Variants in PTX3 observed in about 807,000 individuals in gnomAD.
The protein encoded by PTX3 is pentraxin-related protein PTX3.
Under a neutral mutation model 23.5 loss-of-function variants are expected in PTX3, and 24 were observed. The ratio of observed to expected loss-of-function variants is 1.02; its 90% CI spans 0.74 to 1.43. PTX3 has a LOEUF of 1.43. PTX3 is among the 40% of genes most tolerant of loss of function. The pLI, the probability that PTX3 is intolerant of heterozygous loss-of-function variation, is 0.00. For synonymous variants in PTX3, 218 were observed against 205.4 expected, an observed-to-expected ratio of 1.06 and a Z score of -0.53; for missense variants, 510 against 497.5, an observed-to-expected ratio of 1.02 and a Z score of -0.24.
intron 2 of PTX3, among the ~76,000 whole-genome samples, chr3:157,441,506 G>A (rs1052797063): frequency 2.6e-5 from 4 of 152,074 alleles, no homozygotes; most frequent in African/African-American, 9.7e-5. Flanking sequence ...AGAACATTTG[G>A]TGTATTAAAA....
intron 2 of PTX3, among the ~76,000 whole-genome samples, chr3:157,438,809 T>C (rs545857593): frequency 2.5e-4 from 38 of 152,364 alleles, no homozygotes; most frequent in African/African-American, 8.9e-4. Flanking sequence ...AATACTCCTT[T>C]GTATGCCAAA....
Position 157,442,731 on chromosome 3 carries a change from C to T in PTX3, c.898C>T (p.His300Tyr). ...AATTVEMATG[H>Y]IVPEGGILQI... ...TACCACTGTTGAGATGGCCACAGGTCACATTGTTCCTGAGGGAGGAATCCT... is the reference window on the plus strand; with the variant it reads ...TACCACTGTTGAGATGGCCACAGGTTACATTGTTCCTGAGGGAGGAATCCT... The change falls in exon 3 of 3, where the codon CAC becomes TAC. Residue 300 changes from histidine (H) to tyrosine (Y), a missense_variant. Physicochemically the swap from His to Tyr is moderately conservative, Grantham distance 83 (BLOSUM62 2). Coordinates refer to ENST00000295927, the MANE Select transcript of PTX3 (RefSeq NM_002852.4). 6.2e-7 allele frequency: 1 copy of T among 1,614,172 alleles called. No homozygotes were observed. Among genetic ancestry groups the T allele is most frequent in the Non-Finnish European group, 8.5e-7 (1 of 1,180,046 alleles).
rs1005576822 is a variant in PTX3, at chr3:157,443,192, T to C, written c.*213T>C. ...GCTTTTGAGGATAATGTTACTAGACTTTATGCCATGGTGCTTTCAGTTTAA... is the reference window on the plus strand; with the variant it reads ...GCTTTTGAGGATAATGTTACTAGACCTTATGCCATGGTGCTTTCAGTTTAA... On this transcript the variant is annotated 3_prime_UTR_variant, in exon 3 of 3. Coordinates refer to ENST00000295927, the MANE Select transcript of PTX3 (RefSeq NM_002852.4). 1 of 522,480 alleles carries C rather than the reference T, an allele frequency of 1.9e-6. No homozygotes were observed. The highest frequency in any genetic ancestry group is 3.3e-6 in the Non-Finnish European group (1 of 306,522). The allele number at this position is 522,480 out of a possible 1,614,324, so 32.4% of individuals were successfully genotyped here.
Position 157,442,423 on chromosome 3 carries a change from A to G in PTX3, c.590A>G (p.His197Arg), listed in dbSNP as rs770339090. 6.2e-7 allele frequency: 1 copy of G among 1,614,100 alleles called. No homozygotes were observed. The change falls in exon 3 of 3, where the codon CAT (histidine) becomes CGT (arginine). Residue 197 changes from histidine to arginine, a missense_variant. Physicochemically the swap from His to Arg is conservative, Grantham distance 29 (BLOSUM62 0). Coordinates refer to ENST00000295927, the MANE Select transcript of PTX3 (RefSeq NM_002852.4). The part of the protein sequence containing the change: ...MRSKKIFGSV[H>R]PVRPMRLESF... ...TCCAAGAAGATTTTTGGAAGCGTGC[A>G]TCCAGTGAGACCAATGAGGCTTGAG...
intron 2 of PTX3, among the ~76,000 whole-genome samples, chr3:157,441,862 T>C (rs1056773059): frequency 2.6e-5 from 4 of 151,998 alleles, no homozygotes; most frequent in Non-Finnish European, 5.9e-5. Flanking sequence ...AGAATTTTGC[T>C]GAAAAATGCA....
intron 2 of PTX3, 101 bp downstream of exon 2, chr3:157,438,015 T>G: frequency 7.4e-7 from 1 of 1,353,046 alleles, no homozygotes; most frequent in Non-Finnish European, 9.8e-7. Context: ...GAAGCTTTCA[T>G]GGGAAGCGCG....
chr3:157,437,632 G>A lies in PTX3; in HGVS notation c.250G>A (p.Glu84Lys), dbSNP rs1463778514. 1.2e-5 allele frequency: 19 copies of A among 1,554,400 alleles called. No homozygotes were observed. Among genetic ancestry groups the A allele is most frequent in the African/African-American group, 4.1e-5 (3 of 73,350 alleles). Residue 84 changes from glutamate (E) to lysine (K), a missense_variant, in exon 2 of 3, where the codon GAG becomes AAG. Physicochemically the swap from Glu to Lys is moderately conservative, Grantham distance 56. Coordinates refer to ENST00000295927, the MANE Select transcript of PTX3 (RefSeq NM_002852.4). ...LQATDDVLRGELQRLREELGR... is the reference protein window; with the variant it reads ...LQATDDVLRGKLQRLREELGR... ...AGCCACGGACGACGTCCTGCGGGGC[G>A]AGCTGCAGAGGCTGCGGGAGGAGCT...
At chr3:157,437,376 TCGGAGG>T in intron 1 of PTX3, 131 bp from the exon 2 acceptor site, 1 of 1,058,170 alleles carries the variant, frequency 9.5e-7, no homozygotes, top group Non-Finnish European at 1.4e-6. Flanking sequence ...ATGCTGTTTT[TCGGAGG>T]TGTCCTTAAA....
intron 1 of PTX3, 56 bp from the exon 2 acceptor site, chr3:157,437,457 G>C (rs1733692003): frequency 6.4e-7 from 1 of 1,558,108 alleles, no homozygotes; most frequent in Non-Finnish European, 8.7e-7. Context: ...CTTTTACAAA[G>C]CACATCCAAG....
chr3:157,440,744 A>T (rs761252806), intron 2 of PTX3, among the ~76,000 whole-genome samples: 5 of 152,036 alleles, frequency 3.3e-5, no homozygotes, highest in African/African-American at 2.4e-5. Flanking sequence ...GGGACACGTA[A>T]AAGGTTTTCG....
Position 157,442,553 on chromosome 3 carries a change from C to T in PTX3, c.720C>T (p.Leu240=), listed in dbSNP as rs1231228813. 1.9e-6 allele frequency: 3 copies of T among 1,614,206 alleles called. No homozygotes were observed. The highest frequency in any genetic ancestry group is 2.2e-5 in the South Asian group (2 of 91,082). Residue 240 remains leucine, a synonymous_variant, in exon 3 of 3, where the codon CTC becomes CTT. Transcript: ENST00000295927. ...KRNPYEIQLY[L]SYQSIVFVVG... ...ATCCATATGAAATCCAGCTGTATCT[C>T]AGCTACCAATCCATAGTGTTTGTGG...
chr3:157,438,000 T>C, intron 2 of PTX3, 86 bp downstream of exon 2: 10 of 1,442,018 alleles, frequency 6.9e-6, no homozygotes, highest in East Asian at 2.8e-5. Flanking sequence ...GGCAACCTTC[T>C]AGGGGAAGCT....
At chr3:157,439,882 C>G (rs1238313784) in intron 2 of PTX3, among the ~76,000 whole-genome samples, 2 of 152,192 alleles carry the variant, frequency 1.3e-5, no homozygotes, top group African/African-American at 2.4e-5. Flanking sequence ...TCCTGAGTAG[C>G]TGGGACTACA....
chr3:157,439,620 G>A (rs1160952358), intron 2 of PTX3, among the ~76,000 whole-genome samples: 1 of 152,164 alleles, frequency 6.6e-6, no homozygotes, highest in Non-Finnish European at 1.5e-5. Flanking sequence ...TATAGCCAGC[G>A]TAGCCTAGAG....
Position 157,442,846 on chromosome 3 carries a change from T to C in PTX3, c.1013T>C (p.Ile338Thr). Residue 338 changes from isoleucine (I) to threonine (T), a missense_variant, in exon 3 of 3, where the codon ATC (isoleucine) becomes ACC (threonine). Transcript: ENST00000295927. The part of the protein sequence containing the change: ...AFSGRLTGFN[I>T]WDSVLSNEEI... Reference sequence around the variant, plus strand: ...TCTGGGAGACTCACAGGCTTCAATATCTGGGATAGTGTTCTTAGCAATGAA... The same window carrying C: ...TCTGGGAGACTCACAGGCTTCAATACCTGGGATAGTGTTCTTAGCAATGAA... 4 of 1,614,170 alleles carry C rather than the reference T, an allele frequency of 2.5e-6. No homozygotes were observed. Among genetic ancestry groups the C allele is most frequent in the Non-Finnish European group, 3.4e-6 (4 of 1,180,028 alleles).
chr3:157,441,847 A>G (rs1577668595), intron 2 of PTX3, among the ~76,000 whole-genome samples: 1 of 151,894 alleles, frequency 6.6e-6, no homozygotes. Context: ...TAACATCACT[A>G]TCCTAGAATT....
chr3:157,437,435 G>A (rs1733689177), intron 1 of PTX3, 78 bp from the exon 2 acceptor site: 12 of 1,527,266 alleles, frequency 7.9e-6, no homozygotes, highest in Non-Finnish European at 1.1e-5. Flanking sequence ...TGGCACCACC[G>A]AGGGAGGTCA....
chr3:157,442,946 C>A lies in PTX3; in HGVS notation c.1113C>A (p.Ile371=), dbSNP rs576670615. The A allele has an allele frequency of 6.2e-7, 1 of 1,613,182 alleles. No homozygotes were observed. Among genetic ancestry groups the A allele is most frequent in the Non-Finnish European group, 8.5e-7 (1 of 1,179,374 alleles). Residue 371 remains isoleucine, a synonymous_variant, in exon 3 of 3, where the codon ATC becomes ATA. Coordinates refer to ENST00000295927, the MANE Select transcript of PTX3 (RefSeq NM_002852.4). ...TTGTTGGGTGGGGAGTCACAGAGAT[C>A]CAGCCACATGGAGGAGCTCAGTATG... is the stretch of plus-strand genomic sequence containing the variant. ...GNIVGWGVTE[I]QPHGGAQYVS
At chr3:157,441,642 T>TA (rs142542337) in intron 2 of PTX3, among the ~76,000 whole-genome samples, 62 of 148,082 alleles carry the variant, frequency 4.2e-4, no homozygotes, top group African/African-American at 1.0e-3. Context: ...ACCCCGTGTC[T>TA]AAAAAAAAAA....
Sources: allele counts gnomAD v4.1 joint callset (sites outside exome capture counted in the v4.1 genomes callset), GRCh38; gene constraint gnomAD v4.1.1; transcripts MANE v1.5; gene names NCBI Gene and HGNC (gene_info 2026-07-23, HGNC 2026-07-21).